Variants in PTPRN2 observed in about 807,000 individuals in gnomAD.
PTPRN2 encodes the protein protein tyrosine phosphatase receptor type N2, also known as receptor-type tyrosine-protein phosphatase N2.
Under a neutral mutation model 118.8 loss-of-function variants are expected in PTPRN2, and 74 were observed. That is an observed-to-expected ratio of 0.62 (90% CI 0.52 to 0.76). The LOEUF is 0.76. PTPRN2 is among the 30% of genes least tolerant of loss of function. The pLI is 0.00. For synonymous variants in PTPRN2, 641 were observed against 608.0 expected (o/e 1.05, Z -0.80); for missense variants, 1,481 against 1,394.4 (o/e 1.06, Z -0.99).
chr7:157,657,251 C>T (rs1795562398), intron 13 of PTPRN2, among the ~76,000 whole-genome samples: 1 of 109,972 alleles, frequency 9.1e-6, no homozygotes, highest in African/African-American at 3.8e-5. Context: ...ACACACATCA[C>T]ACATATACAC....
At chr7:158,277,257 G>C (rs112031516) in intron 3 of PTPRN2, among the ~76,000 whole-genome samples, 1 of 152,174 alleles carries the variant, frequency 6.6e-6, no homozygotes, top group Non-Finnish European at 1.5e-5. Context: ...TGTGCGAATC[G>C]GCCTCCAGCC....
Position 157,624,244 on chromosome 7 carries a change from A to C in PTPRN2, c.2197-2735T>G, listed in dbSNP as rs11981554. ...GAGACCAGCCTGGCCAACATGGTGAAACCTTGTCTCTACTAAAAATACAAA... is the reference window on the plus strand; with the variant it reads ...GAGACCAGCCTGGCCAACATGGTGACACCTTGTCTCTACTAAAAATACAAA... On this transcript the variant is annotated intron_variant, in intron 14 of 22. Coordinates refer to ENST00000389418, the MANE Select transcript of PTPRN2 (RefSeq NM_002847.5). 3.3e-3 allele frequency among the ~76,000 whole-genome samples: 496 copies of C among 152,270 alleles called. 5 individuals carry two copies. Among genetic ancestry groups the C allele is most frequent in the African/African-American group, 0.012 (480 of 41,550 alleles).
chr7:158,047,003 C>T (rs181126716), intron 11 of PTPRN2, among the ~76,000 whole-genome samples: 2 of 152,200 alleles, frequency 1.3e-5, no homozygotes, highest in African/African-American at 2.4e-5. Flanking sequence ...GGGAGGCGAG[C>T]GGCTGCGAGG....
At chr7:157,772,675 G>A (rs978901157) in intron 12 of PTPRN2, among the ~76,000 whole-genome samples, 1 of 152,264 alleles carries the variant, frequency 6.6e-6, no homozygotes, top group Non-Finnish European at 1.5e-5. Context: ...GAGGACACAC[G>A]AGGCTCTCGG....
intron 3 of PTPRN2, among the ~76,000 whole-genome samples, chr7:158,279,135 G>A (rs1799239587): frequency 6.6e-6 from 1 of 152,208 alleles, no homozygotes; most frequent in Non-Finnish European, 1.5e-5. Context: ...CTGGCAGCCT[G>A]CTTTTATCCC....
At chr7:158,071,071 G>A (rs1228375198) in intron 11 of PTPRN2, among the ~76,000 whole-genome samples, 20 of 68,478 alleles carry the variant, frequency 2.9e-4, no homozygotes, top group African/African-American at 5.9e-4. Flanking sequence ...AGGTGCTCGT[G>A]GTGGTGGAGG....
At chr7:158,508,474 C>G (rs73528640) in intron 1 of PTPRN2, among the ~76,000 whole-genome samples, 74 of 152,176 alleles carry the variant, frequency 4.9e-4, no homozygotes, top group African/African-American at 1.7e-3. Context: ...AGGGTCAGGA[C>G]GAGGGTGTGG....
chr7:158,184,571 C>T (rs1161350588), intron 5 of PTPRN2, among the ~76,000 whole-genome samples: 1 of 152,094 alleles, frequency 6.6e-6, no homozygotes, highest in Non-Finnish European at 1.5e-5. Context: ...CTAAGATCTT[C>T]AATGTGACAG....
intron 4 of PTPRN2, among the ~76,000 whole-genome samples, chr7:158,197,120 T>C (rs1245977232): frequency 6.6e-6 from 1 of 152,248 alleles, no homozygotes; most frequent in Non-Finnish European, 1.5e-5. Context: ...AGTCTGGGTA[T>C]GTCTCCAAAC....
At chr7:158,199,692 G>A (rs908276665) in intron 4 of PTPRN2, among the ~76,000 whole-genome samples, 4 of 152,144 alleles carry the variant, frequency 2.6e-5, no homozygotes, top group Non-Finnish European at 2.9e-5. Flanking sequence ...GACATTCTTC[G>A]TTAGTGTAGC....
chr7:157,874,130 C>T lies in PTPRN2; in HGVS notation c.1788+24543G>A, dbSNP rs1795565340. 1.3e-5 allele frequency among the ~76,000 whole-genome samples: 2 copies of T among 152,186 alleles called. No individual in the cohort carries two copies. Among genetic ancestry groups the T allele is most frequent in the Non-Finnish European group, 2.9e-5 (2 of 68,038 alleles). ...CTGCAACGATTCTCTGGCCTCTCTG[C>T]TGCTCTGCCTAGCTCCAGCCTTGTC... On this transcript the variant is annotated intron_variant, in intron 12 of 22. Coordinates refer to ENST00000389418, the MANE Select transcript of PTPRN2 (RefSeq NM_002847.5). This position sits in a 1 kb window ranked among gnomAD's most constrained non-coding sequence, Gnocchi z 5.8.
intron 2 of PTPRN2, among the ~76,000 whole-genome samples, chr7:158,389,634 C>T (rs1411113807): frequency 6.6e-6 from 1 of 152,336 alleles, no homozygotes; most frequent in South Asian, 2.1e-4. Flanking sequence ...ATAACGGCTG[C>T]CGCCGTCACA....
At chr7:158,567,126 C>A (rs1445964137) in intron 1 of PTPRN2, among the ~76,000 whole-genome samples, 2 of 152,182 alleles carry the variant, frequency 1.3e-5, no homozygotes, top group Admixed American at 6.5e-5. Context: ...AGAACAGCTC[C>A]CTGTGCTTCT....
At chr7:158,236,436 G>A (rs1039856642) in intron 3 of PTPRN2, among the ~76,000 whole-genome samples, 4 of 152,196 alleles carry the variant, frequency 2.6e-5, no homozygotes, top group African/African-American at 4.8e-5. Flanking sequence ...ACGTTGAGGG[G>A]TGGGTAAGGC....
intron 13 of PTPRN2, among the ~76,000 whole-genome samples, chr7:157,658,191 G>A (rs1287004096): frequency 6.6e-6 from 1 of 152,192 alleles, no homozygotes; most frequent in African/African-American, 2.4e-5. Flanking sequence ...AGGGGAGGCC[G>A]GGGGCGGTTT....
At position 158,232,707 on chromosome 7, in the gene PTPRN2, A is replaced by G. The variant is rs564924569; in HGVS notation, c.278-27434T>C. On this transcript the variant is annotated intron_variant, in intron 3 of 22. Coordinates refer to ENST00000389418, the MANE Select transcript of PTPRN2 (RefSeq NM_002847.5). ...AAATATTAGCAAACTGAATTCAAGA[A>G]CACATTAAAAAGATCATTCAACATG... Among the ~76,000 whole-genome samples, 49 of 152,300 alleles carry G rather than the reference A, an allele frequency of 3.2e-4. 1 individual carries two copies. In the South Asian group the frequency reaches 9.7e-3, roughly 30 times the overall value.
rs1270046320 is a variant in PTPRN2 at position 157,558,625 on chromosome 7, G to A, written c.2903-9606C>T. On this transcript the variant is annotated intron_variant, in intron 21 of 22. Coordinates refer to ENST00000389418, the MANE Select transcript of PTPRN2 (RefSeq NM_002847.5). ...ACCACTTGCACCTTTTACCCAAAAG[G>A]TGCTCATGCACTGGTCCAGCGGGGA... is the stretch of plus-strand genomic sequence containing the variant. 2.6e-5 allele frequency among the ~76,000 whole-genome samples: 4 copies of A among 152,234 alleles called. No individual in the cohort carries two copies. The East Asian group carries it at 7.7e-4, about 29-fold the overall frequency.
intron 11 of PTPRN2, among the ~76,000 whole-genome samples, chr7:158,017,156 A>G (rs902425590): frequency 1.5e-4 from 23 of 152,254 alleles, no homozygotes; most frequent in African/African-American, 5.3e-4. Context: ...CTTTAAAACG[A>G]TAGCAAGGTG....
At chr7:158,337,397 T>C (rs62481678) in intron 2 of PTPRN2, among the ~76,000 whole-genome samples, 722 of 18,170 alleles carry the variant, frequency 0.04, 70 homozygotes, top group East Asian at 0.09. Flanking sequence ...AGGTAACACC[T>C]GCAGACGTCC....
Sources: allele counts gnomAD v4.1 joint callset (sites outside exome capture counted in the v4.1 genomes callset), GRCh38; gene constraint gnomAD v4.1.1; non-coding constraint Gnocchi (gnomAD v3.1); transcripts MANE v1.5; gene names NCBI Gene and HGNC (gene_info 2026-07-23, HGNC 2026-07-21).